MSTN: variants seen among roughly 807,000 people sequenced by gnomAD.
MSTN encodes the protein myostatin.
A neutral mutation model predicts 32.3 loss-of-function variants in MSTN; 12 were observed. The ratio of observed to expected loss-of-function variants is 0.37; its 90% CI spans 0.24 to 0.60. MSTN has a LOEUF of 0.60. MSTN is among the 20% of genes least tolerant of loss of function. MSTN has a pLI of 0.67. For missense variants in MSTN, 403 were observed against 450.3 expected (o/e 0.89, Z 0.95); for synonymous variants, 168 against 155.1 (o/e 1.08, Z -0.62).
At chr2:190,061,742 TGAGA>T (rs1336154090) in intron 1 of MSTN, among the ~76,000 whole-genome samples, 1 of 152,030 alleles carries the variant, frequency 6.6e-6, no homozygotes, top group East Asian at 1.9e-4. Context: ...AAAAAATTAC[TGAGA>T]GAGTTTCAAA....
Position 190,062,570 on chromosome 2 carries a change from A to G in MSTN, c.27T>C (p.Tyr9=), listed in dbSNP as rs756074984. The G allele has an allele frequency of 6.2e-7, 1 of 1,612,718 alleles. No individual in the cohort carries two copies. Among genetic ancestry groups the G allele is most frequent in the Non-Finnish European group, 8.5e-7 (1 of 1,179,264 alleles). The change falls in exon 1 of 3, where the codon TAT becomes TAC. Residue 9 remains tyrosine (Y), a synonymous_variant. Coordinates refer to ENST00000260950, the MANE Select transcript of MSTN (RefSeq NM_005259.3). The part of the protein sequence containing the change: MQKLQLCV[Y]IYLFMLIVAG... ...CAACAATCAGCATAAACAGGTAAAT[A>G]TAAACACAGAGTTGCAGTTTTTGCA...
In MSTN at chr2:190,055,724, A is replaced by G. The variant is rs1685402974; in HGVS notation, c.*1534T>C. ...GTGTCTTTCAAAAAAATGTGAAAAC[A>G]CTTTAATATAACTTATACTGTTTCT... On this transcript the variant is annotated 3_prime_UTR_variant, in exon 3 of 3. Coordinates refer to ENST00000260950, the MANE Select transcript of MSTN (RefSeq NM_005259.3). 6.6e-6 allele frequency: 1 copy of G among 152,200 alleles called. No individual in the cohort carries two copies. Among genetic ancestry groups the G allele is most frequent in the Non-Finnish European group, 1.5e-5 (1 of 68,030 alleles). 9.4% of individuals were successfully genotyped at this position (152,200 alleles called of 1,614,324 possible).
chr2:190,061,446 G>A (rs1053956339), intron 1 of MSTN, among the ~76,000 whole-genome samples: 1 of 151,970 alleles, frequency 6.6e-6, no homozygotes, highest in African/African-American at 2.4e-5. Flanking sequence ...CTCTCAGGAA[G>A]AATAAAATAT....
At chr2:190,062,144 C>G in intron 1 of MSTN, 80 bp downstream of exon 1, 2 of 1,511,850 alleles carry the variant, frequency 1.3e-6, no homozygotes, top group Non-Finnish European at 1.8e-6. Flanking sequence ...TTTAAAAGAG[C>G]CTGAAAATAG....
At position 190,057,413 on chromosome 2, in the gene MSTN, G is replaced by A; in HGVS notation, c.973C>T (p.His325Tyr). 1.2e-6 allele frequency: 2 copies of A among 1,613,584 alleles called. No individual in the cohort carries two copies. The highest frequency in any genetic ancestry group is 1.7e-6 in the Non-Finnish European group (2 of 1,179,612). The change falls in exon 3 of 3, where the codon CAT becomes TAT. Residue 325 changes from histidine (H) to tyrosine (Y), a missense_variant. Physicochemically the swap from His to Tyr is moderately conservative, Grantham distance 83 (BLOSUM62 2). Coordinates refer to ENST00000260950, the MANE Select transcript of MSTN (RefSeq NM_005259.3). ...FVFLQKYPHTHLVHQANPRGS... is the reference protein window; with the variant it reads ...FVFLQKYPHTYLVHQANPRGS... ...CTGGGGTTTGCTTGGTGTACCAGAT[G>A]AGTATGAGGATATTTTTGTAAAAAT...
At chr2:190,061,705 A>G (rs1039684810) in intron 1 of MSTN, among the ~76,000 whole-genome samples, 5 of 152,052 alleles carry the variant, frequency 3.3e-5, no homozygotes, top group African/African-American at 1.2e-4. Flanking sequence ...ATAGCTCTCA[A>G]AATTAAATTT....
chr2:190,059,045 GA>G (rs1244412493), intron 2 of MSTN, among the ~76,000 whole-genome samples: 1 of 151,296 alleles, frequency 6.6e-6, no homozygotes, highest in Non-Finnish European at 1.5e-5. Flanking sequence ...TAATAAAAAT[GA>G]AAAAATATTG....
rs199964059 is a variant in MSTN at position 190,062,647 on chromosome 2, C to A, written c.-51G>T. ...TTCTTGTTCTTGTTTCTTCCTTTTA[C>A]TTTTCTTTTGCTTTTGAGTAATGCC... On this transcript the variant is annotated 5_prime_UTR_variant, in exon 1 of 3. Coordinates refer to ENST00000260950, the MANE Select transcript of MSTN (RefSeq NM_005259.3). 5.7e-6 allele frequency: 9 copies of A among 1,581,626 alleles called. No individual in the cohort carries two copies. Among genetic ancestry groups the A allele is most frequent in the Non-Finnish European group, 5.2e-6 (6 of 1,163,046 alleles).
At position 190,057,236 on chromosome 2, in the gene MSTN, T is replaced by G; in HGVS notation, c.*22A>C. 6.2e-7 allele frequency: 1 copy of G among 1,612,670 alleles called. No homozygotes were observed. Among genetic ancestry groups the G allele is most frequent in the Non-Finnish European group, 8.5e-7 (1 of 1,179,052 alleles). On this transcript the variant is annotated 3_prime_UTR_variant, in exon 3 of 3. Transcript: ENST00000260950. ...GGAAAACCTTCCATGTTTTAGGAAG[T>G]TATGAACGCTTAATATAAATCTCAT... is the stretch of plus-strand genomic sequence containing the variant.
chr2:190,060,352 T>G lies in MSTN; in HGVS notation c.457A>C (p.Lys153Gln). 6.2e-7 allele frequency: 1 copy of G among 1,612,698 alleles called. No homozygotes were observed. Among genetic ancestry groups the G allele is most frequent in the Non-Finnish European group, 8.5e-7 (1 of 1,179,084 alleles). ...SSKIQYNKVVKAQLWIYLRPV... is the reference protein window; with the variant it reads ...SSKIQYNKVVQAQLWIYLRPV... ...CTCAAATATATCCATAGTTGGGCCT[T>G]TACTACTTTATTGTATTGTATTTTA... Residue 153 changes from lysine (K) to glutamine (Q), a missense_variant, in exon 2 of 3, where the codon AAG (lysine) becomes CAG (glutamine). Physicochemically the swap from Lys to Gln is moderately conservative, Grantham distance 53. Transcript: ENST00000260950.
Position 190,055,718 on chromosome 2 carries a change from G to T in MSTN, c.*1540C>A, listed in dbSNP as rs1685402715. 1 of 152,002 alleles carries T rather than the reference G, an allele frequency of 6.6e-6. No homozygotes were observed. Among genetic ancestry groups the T allele is most frequent in the Non-Finnish European group, 1.5e-5 (1 of 67,980 alleles). 9.4% of individuals were successfully genotyped at this position (152,002 alleles called of 1,614,324 possible). A position where few individuals can be genotyped will look rare whatever the true frequency, so the allele number is the denominator to read the frequency against. ...ACTGTTGTGTCTTTCAAAAAAATGTGAAAACACTTTAATATAACTTATACT... is the reference window on the plus strand; with the variant it reads ...ACTGTTGTGTCTTTCAAAAAAATGTTAAAACACTTTAATATAACTTATACT... On this transcript the variant is annotated 3_prime_UTR_variant, in exon 3 of 3. Transcript: ENST00000260950.
In MSTN at chr2:190,057,244, G is replaced by C; in HGVS notation, c.*14C>G. 1 of 1,612,656 alleles carries C rather than the reference G, an allele frequency of 6.2e-7. No individual in the cohort carries two copies. Among genetic ancestry groups the C allele is most frequent in the East Asian group, 2.2e-5 (1 of 44,862 alleles). The stretch of plus-strand genomic sequence containing the variant: ...TTCCATGTTTTAGGAAGTTATGAAC[G>C]CTTAATATAAATCTCATGAGCACCC... On this transcript the variant is annotated 3_prime_UTR_variant, in exon 3 of 3. Transcript: ENST00000260950.
intron 2 of MSTN, 137 bp from the exon 3 acceptor site, chr2:190,057,775 T>A: frequency 1.2e-6 from 1 of 860,124 alleles, no homozygotes; most frequent in Non-Finnish European, 1.8e-6. Context: ...GGCACAGCAT[T>A]AAGGAATGTT....
At chr2:190,057,821 A>C (rs947717064) in intron 2 of MSTN, among the ~76,000 whole-genome samples, 183 bp from the exon 3 acceptor site, 2 of 152,088 alleles carry the variant, frequency 1.3e-5, no homozygotes, top group African/African-American at 4.8e-5. Context: ...CTTATGTCTC[A>C]AAAGAATTTA....
chr2:190,057,954 A>G (rs1205181286), intron 2 of MSTN, among the ~76,000 whole-genome samples: 1 of 151,968 alleles, frequency 6.6e-6, no homozygotes, highest in Non-Finnish European at 1.5e-5. Flanking sequence ...GAAGAAAGGG[A>G]GGGAAGGAAG....
chr2:190,057,218 C>G lies in MSTN; in HGVS notation c.*40G>C. 6.2e-7 allele frequency: 1 copy of G among 1,610,736 alleles called. No homozygotes were observed. The highest frequency in any genetic ancestry group is 8.5e-7 in the Non-Finnish European group (1 of 1,177,806). ...GCTTCAAAATTGTTGAGGGGAAAACCTTCCATGTTTTAGGAAGTTATGAAC... is the reference window on the plus strand; with the variant it reads ...GCTTCAAAATTGTTGAGGGGAAAACGTTCCATGTTTTAGGAAGTTATGAAC... On this transcript the variant is annotated 3_prime_UTR_variant, in exon 3 of 3. Transcript: ENST00000260950.
intron 1 of MSTN, among the ~76,000 whole-genome samples, chr2:190,061,742 T>C (rs1685600934): frequency 6.6e-6 from 1 of 152,030 alleles, no homozygotes; most frequent in Non-Finnish European, 1.5e-5. Flanking sequence ...AAAAAATTAC[T>C]GAGAGAGTTT....
At chr2:190,057,740 G>C in intron 2 of MSTN, 102 bp from the exon 3 acceptor site, 1 of 1,258,288 alleles carries the variant, frequency 7.9e-7, no homozygotes, top group Non-Finnish European at 1.1e-6. Context: ...TAATAATTTT[G>C]CTCATACCAC....
Position 190,060,215 on chromosome 2 carries a change from T to C in MSTN, c.594A>G (p.Pro198=), listed in dbSNP as rs369212974. 1.2e-6 allele frequency: 2 copies of C among 1,613,110 alleles called. No individual in the cohort carries two copies. Among genetic ancestry groups the C allele is most frequent in the Middle Eastern group, 1.7e-4 (1 of 6,056 alleles). Residue 198 remains proline, a synonymous_variant, in exon 2 of 3, where the codon CCA becomes CCG. Coordinates refer to ENST00000260950, the MANE Select transcript of MSTN (RefSeq NM_005259.3). The stretch of plus-strand genomic sequence containing the variant: ...CAATGCTCTGCCAAATACCAGTGCC[T>C]GGGTTCATGTCAAGTTTCAGAGATC... ...GIRSLKLDMN[P]GTGIWQSIDV...
Sources: allele counts gnomAD v4.1 joint callset (sites outside exome capture counted in the v4.1 genomes callset), GRCh38; gene constraint gnomAD v4.1.1; transcripts MANE v1.5; gene names NCBI Gene and HGNC (gene_info 2026-07-23, HGNC 2026-07-21).